Variants in GOLGA8Q observed in about 807,000 individuals in gnomAD.
GOLGA8Q encodes the protein golgin subfamily A member 8Q.
A neutral mutation model predicts 48.7 loss-of-function variants in GOLGA8Q; 3 were observed. That is an observed-to-expected ratio of 0.06 (90% confidence interval 0.03 to 0.16). GOLGA8Q has a LOEUF of 0.16. Among genes scored for constraint, GOLGA8Q ranks in the 10% least tolerant of loss-of-function variants. The pLI is 1.00. For missense variants in GOLGA8Q, 49 were observed against 364.3 expected (o/e 0.13, Z 7.05); for synonymous variants, 22 against 138.2 (o/e 0.16, Z 5.90).
chr15:30,565,274 G>GA lies in GOLGA8Q; in HGVS notation c.*2783dup, dbSNP rs1195971969. Among the ~76,000 whole-genome samples, 3 of 76,326 alleles carry GA rather than the reference G, an allele frequency of 3.9e-5. No individual in the cohort carries two copies. The highest frequency in any genetic ancestry group is 3.3e-4 in the East Asian group (1 of 3,030). The allele number at this position is 76,326 out of a possible 152,430, so 50.1% of individuals were successfully genotyped here. The stretch of plus-strand genomic sequence containing the variant: ...TTAAACCTGATAATTTTCCAGAAAT[G>GA]AAAAAAAAAATCAGCTCTAAAACCA... On this transcript the variant is annotated 3_prime_UTR_variant, in exon 19 of 19. Coordinates refer to ENST00000562783, the MANE Select transcript of GOLGA8Q (RefSeq NM_001355476.2).
In GOLGA8Q at chr15:30,557,152, G is replaced by GC. The variant is rs1344274275; in HGVS notation, c.591+452_591+453insC. Among the ~76,000 whole-genome samples, 27 of 54,572 alleles carry GC rather than the reference G, an allele frequency of 4.9e-4. 1 individual carries two copies. Among genetic ancestry groups the GC allele is most frequent in the Middle Eastern group, 0.016 (2 of 122 alleles). The allele number at this position is 54,572 out of a possible 152,430, so 35.8% of individuals were successfully genotyped here. A position where few individuals can be genotyped will look rare whatever the true frequency, so the allele number is the denominator to read the frequency against. On this transcript the variant is annotated intron_variant, in intron 8 of 18. Transcript: ENST00000562783. Reference sequence around the variant, plus strand: ...GGGTTCATAAAAAATTCAGGAGAGAGAACAAGATGGCTGGGAGATACTTCC... The same window carrying GC: ...GGGTTCATAAAAAATTCAGGAGAGAGCAACAAGATGGCTGGGAGATACTTCC...
intron 2 of GOLGA8Q, among the ~76,000 whole-genome samples, chr15:30,554,401 C>G (rs2140716927): frequency 1.3e-5 from 1 of 78,874 alleles, no homozygotes; most frequent in Non-Finnish European, 2.4e-5. Context: ...TTGGGCCTCT[C>G]TTTTCACATC....
Position 30,560,660 on chromosome 15 carries a change from G to A in GOLGA8Q, c.1276+49G>A. On this transcript the variant is annotated intron_variant, in intron 14 of 18. Transcript: ENST00000562783. ...GAGGAGAGAGCCCCAGGAGGAAGGGGGGACTGCTAGCAGCATAGGATTGAG... is the reference window on the plus strand; with the variant it reads ...GAGGAGAGAGCCCCAGGAGGAAGGGAGGACTGCTAGCAGCATAGGATTGAG... 8 of 826,718 alleles carry A rather than the reference G, an allele frequency of 9.7e-6. 3 individuals carry two copies. The South Asian group carries it at 1.3e-4, about 13-fold the overall frequency. 51.2% of individuals were successfully genotyped at this position (826,718 alleles called of 1,614,324 possible).
rs2059689757 is a variant in GOLGA8Q, at chr15:30,562,961, G to C, written c.*460G>C. 1.6e-3 allele frequency among the ~76,000 whole-genome samples: 1 copy of C among 610 alleles called. No homozygotes were observed. Among genetic ancestry groups the C allele is most frequent in the East Asian group, 6.1e-3 (1 of 164 alleles). 0.4% of individuals were successfully genotyped at this position (610 alleles called of 152,430 possible). A position where few individuals can be genotyped will look rare whatever the true frequency, so the allele number is the denominator to read the frequency against. On this transcript the variant is annotated 3_prime_UTR_variant, in exon 19 of 19. Coordinates refer to ENST00000562783, the MANE Select transcript of GOLGA8Q (RefSeq NM_001355476.2). ...CTTAATCACAGTGAGCTCTTCCTTA[G>C]CTCAATATGTAGTTTGCCCCCAAGT...
chr15:30,558,142 G>A lies in GOLGA8Q; in HGVS notation c.786+91G>A, dbSNP rs1320432231. 1.4e-5 allele frequency: 8 copies of A among 565,306 alleles called. 1 individual carries two copies. The highest frequency in any genetic ancestry group is 2.4e-5 in the Non-Finnish European group (8 of 335,598). 35.0% of individuals were successfully genotyped at this position (565,306 alleles called of 1,614,324 possible). On this transcript the variant is annotated intron_variant, in intron 10 of 18. Coordinates refer to ENST00000562783, the MANE Select transcript of GOLGA8Q (RefSeq NM_001355476.2). ...AATGGGAATAGTAGAGCCAGAGGTGGTCATGGGTCTGGGCTTTGTGGAGGT... is the reference window on the plus strand; with the variant it reads ...AATGGGAATAGTAGAGCCAGAGGTGATCATGGGTCTGGGCTTTGTGGAGGT...
rs757047153 is a variant in GOLGA8Q at position 30,560,549 on chromosome 15, C to G, written c.1214C>G (p.Ala405Gly). 15 of 1,121,998 alleles carry G rather than the reference C, an allele frequency of 1.3e-5. 4 individuals are homozygous for G. The Admixed American group carries it at 1.8e-4, about 13-fold the overall frequency. The allele number at this position is 1,121,998 out of a possible 1,614,324, so 69.5% of individuals were successfully genotyped here. The change falls in exon 14 of 19, where the codon GCG (alanine) becomes GGG (glycine). Residue 405 changes from alanine to glycine, a missense_variant. By Grantham distance (60) the Ala-to-Gly change is moderately conservative. Transcript: ENST00000562783. ...QEKLGEEHLE[A>G]ASQQNQQLTA... ...CTGGCCCCTTAGGAGCACCTGGAAG[C>G]GGCCAGCCAGCAGAACCAGCAGCTA...
Position 30,556,018 on chromosome 15 carries a change from G to A in GOLGA8Q, c.348+6G>A, listed in dbSNP as rs563443033. On this transcript the variant is annotated splice_donor_region_variant and intron_variant, in intron 5 of 18. Transcript: ENST00000562783. The stretch of plus-strand genomic sequence containing the variant: ...TGGAACATCAGCTGGAAGAAGTAAC[G>A]TGATTTCGTTTCCTCGCAACATGAC... 9.3e-6 allele frequency: 10 copies of A among 1,069,622 alleles called. 2 individuals carry two copies. The East Asian group carries it at 9.4e-5, about 10-fold the overall frequency. The allele number at this position is 1,069,622 out of a possible 1,614,324, so 66.3% of individuals were successfully genotyped here.
rs1369902657 is a variant in GOLGA8Q, at chr15:30,560,519, C to CT, written c.1201-14dup. Reference sequence around the variant, plus strand: ...CTGGCAAACTCCATCCCTTCTCACTCTTTCCTGGCCCCTTAGGAGCACCTG... The same window carrying CT: ...CTGGCAAACTCCATCCCTTCTCACTCTTTTCCTGGCCCCTTAGGAGCACCTG... On this transcript the variant is annotated splice_polypyrimidine_tract_variant and intron_variant, in intron 13 of 18. Transcript: ENST00000562783. The CT allele has an allele frequency of 1.8e-6, 2 of 1,098,302 alleles. 1 individual carries two copies. Among genetic ancestry groups the CT allele is most frequent in the Non-Finnish European group, 2.4e-6 (2 of 816,770 alleles). 68.0% of individuals were successfully genotyped at this position (1,098,302 alleles called of 1,614,324 possible).
In GOLGA8Q at chr15:30,560,637, G is replaced by A. The variant is rs2059674691; in HGVS notation, c.1276+26G>A. 8.4e-6 allele frequency: 9 copies of A among 1,077,228 alleles called. 4 individuals are homozygous for A. The highest frequency in any genetic ancestry group is 1.1e-5 in the Non-Finnish European group (9 of 794,948). The allele number at this position is 1,077,228 out of a possible 1,614,324, so 66.7% of individuals were successfully genotyped here. ...GTACGGGAGACCGCTCAGAGGAAGA[G>A]GAGAGAGCCCCAGGAGGAAGGGGGG... On this transcript the variant is annotated intron_variant, in intron 14 of 18. Transcript: ENST00000562783.
Position 30,559,750 on chromosome 15 carries a change from C to T in GOLGA8Q, c.1200+459C>T, listed in dbSNP as rs571038811. ...GCGCATGCCTGTAATTCCACCTACT[C>T]GGGAGGCTGAGGCACGAGAATTGCT... On this transcript the variant is annotated intron_variant, in intron 13 of 18. Coordinates refer to ENST00000562783, the MANE Select transcript of GOLGA8Q (RefSeq NM_001355476.2). 1.6e-3 allele frequency among the ~76,000 whole-genome samples: 233 copies of T among 149,708 alleles called. No individual in the cohort carries two copies. In the East Asian group the frequency reaches 0.03, roughly 19 times the overall value.
In GOLGA8Q at chr15:30,560,536, G is replaced by C; in HGVS notation, c.1201G>C (p.Glu401Gln). The change falls in exon 14 of 19, where the codon GAG (glutamate) becomes CAG (glutamine). Residue 401 changes from glutamate (E) to glutamine (Q), a missense_variant and splice_region_variant. Coordinates refer to ENST00000562783, the MANE Select transcript of GOLGA8Q (RefSeq NM_001355476.2). ...TTCTCACTCTTTCCTGGCCCCTTAG[G>C]AGCACCTGGAAGCGGCCAGCCAGCA... is the stretch of plus-strand genomic sequence containing the variant. The part of the protein sequence containing the change: ...VKELQEKLGE[E>Q]HLEAASQQNQ... 1 of 1,114,034 alleles carries C rather than the reference G, an allele frequency of 9.0e-7. No individual in the cohort carries two copies. Among genetic ancestry groups the C allele is most frequent in the South Asian group, 1.4e-5 (1 of 69,528 alleles). The allele number at this position is 1,114,034 out of a possible 1,614,324, so 69.0% of individuals were successfully genotyped here.
At chr15:30,559,698 A>G (rs1237169348) in intron 13 of GOLGA8Q, among the ~76,000 whole-genome samples, 1 of 151,348 alleles carries the variant, frequency 6.6e-6, no homozygotes, top group Admixed American at 6.6e-5. Context: ...CTAAAATTAA[A>G]AAAAAAAAAA....
chr15:30,560,605 G>C lies in GOLGA8Q; in HGVS notation c.1270G>C (p.Gly424Arg). The change falls in exon 14 of 19, where the codon GGG becomes CGG. Residue 424 changes from glycine to arginine, a missense_variant. Gly to Arg is a moderately radical substitution (Grantham distance 125, BLOSUM62 -2). Transcript: ENST00000562783. The part of the protein sequence containing the change: ...TAQLNLMALP[G>R]EGHGGEHLDS... ...CCAGCTGAACCTCATGGCTCTCCCT[G>C]GGGAAGGTACGGGAGACCGCTCAGA... is the stretch of plus-strand genomic sequence containing the variant. 2 of 1,130,104 alleles carry C rather than the reference G, an allele frequency of 1.8e-6. No individual in the cohort carries two copies. Among genetic ancestry groups the C allele is most frequent in the South Asian group, 1.4e-5 (1 of 71,314 alleles). The allele number at this position is 1,130,104 out of a possible 1,614,324, so 70.0% of individuals were successfully genotyped here. A position where few individuals can be genotyped will look rare whatever the true frequency, so the allele number is the denominator to read the frequency against.
At chr15:30,557,570 T>TTTATAG (rs1405921150) in intron 8 of GOLGA8Q, among the ~76,000 whole-genome samples, 181 bp from the exon 9 acceptor site, 1 of 135,574 alleles carries the variant, frequency 7.4e-6, no homozygotes, top group Admixed American at 7.3e-5. Context: ...ATAAACTCAG[T>TTTATAG]CTCATTCCCT....
chr15:30,560,562 G>A lies in GOLGA8Q; in HGVS notation c.1227G>A (p.Gln409=). ...AGCACCTGGAAGCGGCCAGCCAGCA[G>A]AACCAGCAGCTAACGGCCCAGCTGA... The part of the protein sequence containing the change: ...GEEHLEAASQ[Q]NQQLTAQLNL... The change falls in exon 14 of 19, where the codon CAG becomes CAA. Residue 409 remains glutamine, a synonymous_variant. Coordinates refer to ENST00000562783, the MANE Select transcript of GOLGA8Q (RefSeq NM_001355476.2). 1 of 1,129,322 alleles carries A rather than the reference G, an allele frequency of 8.9e-7. No individual in the cohort carries two copies. The highest frequency in any genetic ancestry group is 1.2e-6 in the Non-Finnish European group (1 of 834,184). 70.0% of individuals were successfully genotyped at this position (1,129,322 alleles called of 1,614,324 possible).
intron 4 of GOLGA8Q, among the ~76,000 whole-genome samples, chr15:30,555,607 A>T (rs1567456176): frequency 9.2e-6 from 1 of 108,882 alleles, no homozygotes; most frequent in Non-Finnish European, 2.1e-5. Flanking sequence ...TCCATCCTAT[A>T]TCTGCTGTGA....
At position 30,560,400 on chromosome 15, in the gene GOLGA8Q, G is replaced by A; in HGVS notation, c.1201-136G>A. ...AATGAACCAGCTGCAGCAGTAGAAA[G>A]CTTGGGGCAAAGCAGTGGCCGAGAT... On this transcript the variant is annotated intron_variant, in intron 13 of 18. Transcript: ENST00000562783. 2 of 1,056,154 alleles carry A rather than the reference G, an allele frequency of 1.9e-6. 1 individual carries two copies. The highest frequency in any genetic ancestry group is 3.1e-5 in the South Asian group (2 of 63,606). 65.4% of individuals were successfully genotyped at this position (1,056,154 alleles called of 1,614,324 possible). A position where few individuals can be genotyped will look rare whatever the true frequency, so the allele number is the denominator to read the frequency against.
At chr15:30,554,376 A>T (rs1169453981) in intron 2 of GOLGA8Q, among the ~76,000 whole-genome samples, 2 of 100,166 alleles carry the variant, frequency 2.0e-5, no homozygotes, top group East Asian at 4.5e-4. Flanking sequence ...ATTTAGGGCA[A>T]GTTGCTAGAC....
chr15:30,556,696 AC>A lies in GOLGA8Q; in HGVS notation c.589del (p.Gln197SerfsTer14). The A allele has an allele frequency of 1.2e-6, 1 of 864,078 alleles. No individual in the cohort carries two copies. Among genetic ancestry groups the A allele is most frequent in the Non-Finnish European group, 1.9e-6 (1 of 534,900 alleles). The allele number at this position is 864,078 out of a possible 1,614,324, so 53.5% of individuals were successfully genotyped here. On this transcript the variant is annotated frameshift_variant, in exon 8 of 19. Transcript: ENST00000562783. LOFTEE classifies it high-confidence loss of function. Reference sequence around the variant, plus strand: ...ATCGCCACAGAGAAGAAGAAGGCAAACCAGGTGAGTCCAGCCACCTGCCCCA... The same window carrying A: ...ATCGCCACAGAGAAGAAGAAGGCAAACAGGTGAGTCCAGCCACCTGCCCCA... ...AVIATEKKKA[N>X]QLSSCSKAHT...
Sources: allele counts gnomAD v4.1 joint callset (sites outside exome capture counted in the v4.1 genomes callset), GRCh38; gene constraint gnomAD v4.1.1; transcripts MANE v1.5; gene names NCBI Gene and HGNC (gene_info 2026-07-23, HGNC 2026-07-21).